OBSL1: variants seen among roughly 807,000 people sequenced by gnomAD.
OBSL1 encodes obscurin-like protein 1.
A neutral mutation model predicts 172.0 loss-of-function variants in OBSL1; 160 were observed. The observed-to-expected ratio is 0.93, with a 90% CI of 0.82 to 1.06. OBSL1 has a LOEUF of 1.06. OBSL1 is among the 50% of genes least tolerant of loss of function. The pLI is 0.00. For missense variants in OBSL1, 2,681 were observed against 2,715.4 expected (o/e 0.99, Z 0.28); for synonymous variants, 1,200 against 1,196.3 (o/e 1.00, Z -0.06).
At chr2:219,561,087 A>G (rs1396643821) in intron 8 of OBSL1, among the ~76,000 whole-genome samples, 1 of 152,148 alleles carries the variant, frequency 6.6e-6, no homozygotes, top group African/African-American at 2.4e-5. Context: ...ACAGGGCAGA[A>G]TATGTGCAGA....
rs1458177956 is a variant in OBSL1, at chr2:219,551,803, G to T, written c.5414-5C>A. The T allele has an allele frequency of 1.3e-6, 2 of 1,551,312 alleles. No homozygotes were observed. The highest frequency in any genetic ancestry group is 2.3e-5 in the South Asian group (2 of 85,742). On this transcript the variant is annotated splice_polypyrimidine_tract_variant and splice_region_variant and intron_variant, in intron 19 of 20. Coordinates refer to ENST00000404537, the MANE Select transcript of OBSL1 (RefSeq NM_015311.3). ...GGCACATCTGGAGAGGCAATGCTGG[G>T]GGTAGGGGGCGGGGGCTTAAGTTAA...
rs4674412 is a variant in OBSL1 at position 219,567,197 on chromosome 2, A to G, written c.1838-71T>C. 1,558,008 of 1,564,174 alleles carry G rather than the reference A, an allele frequency of 1. 776,107 individuals carry two copies. Among genetic ancestry groups the G allele is most frequent in the East Asian group, 1 (43,571 of 43,572 alleles). Reference sequence around the variant, plus strand: ...AGAGGGCAGAGGCTGGCGGATGGCAAGCCTGTGAGAGGACCAGCACTGAGG... The same window carrying G: ...AGAGGGCAGAGGCTGGCGGATGGCAGGCCTGTGAGAGGACCAGCACTGAGG... On this transcript the variant is annotated intron_variant, in intron 4 of 20. Transcript: ENST00000404537.
chr2:219,562,739 T>C (rs1276143075), intron 7 of OBSL1, 65 bp from the exon 8 acceptor site: 1 of 1,477,180 alleles, frequency 6.8e-7, no homozygotes. Context: ...CCTGACCCCG[T>C]TGTGTTCCCT....
At position 219,553,580 on chromosome 2, in the gene OBSL1, C is replaced by T. The variant is rs752791867; in HGVS notation, c.4983G>A (p.Trp1661Ter). 5.0e-6 allele frequency: 8 copies of T among 1,613,162 alleles called. No homozygotes were observed. The Admixed American group carries it at 1.0e-4, about 20-fold the overall frequency. Residue 1661 changes from tryptophan (W) to a stop codon, truncating the protein, a stop_gained, in exon 16 of 21, where the codon TGG becomes TGA. Transcript: ENST00000404537. LOFTEE classifies it high-confidence loss of function. ...GCTGGGGCTGGGATCTGACCTTCTCCCAGGTAACATCAGCCAAAGCTTGGG... is the reference window on the plus strand; with the variant it reads ...GCTGGGGCTGGGATCTGACCTTCTCTCAGGTAACATCAGCCAAAGCTTGGG... ...ELSQALADVT[W>*]EKDGNALTPS...
chr2:219,558,577 G>T lies in OBSL1; in HGVS notation c.3227-118C>A, dbSNP rs1696218421. 7.4e-6 allele frequency: 9 copies of T among 1,208,186 alleles called. No individual in the cohort carries two copies. In the South Asian group the frequency reaches 1.3e-4, roughly 17 times the overall value. 74.8% of individuals were successfully genotyped at this position (1,208,186 alleles called of 1,614,324 possible). A position where few individuals can be genotyped will look rare whatever the true frequency, so the allele number is the denominator to read the frequency against. On this transcript the variant is annotated intron_variant, in intron 9 of 20. Transcript: ENST00000404537. ...ACAGCTCTTGAGAACAGTGCCAGCT[G>T]CAGTCCATGGAGCAGCTGCTGTGTG...
At position 219,565,389 on chromosome 2, in the gene OBSL1, GC is replaced by G; in HGVS notation, c.2259del (p.Gln754ArgfsTer11). 6.2e-7 allele frequency: 1 copy of G among 1,614,000 alleles called. No homozygotes were observed. Among genetic ancestry groups the G allele is most frequent in the Non-Finnish European group, 8.5e-7 (1 of 1,179,896 alleles). On this transcript the variant is annotated frameshift_variant, in exon 6 of 21. Coordinates refer to ENST00000404537, the MANE Select transcript of OBSL1 (RefSeq NM_015311.3). LOFTEE classifies it high-confidence loss of function. ...AGCAACTCGCTCTCCTCCACCTTCT[GC>G]CCATCCTTGTACCAGGTTGCCGGGA... ...VDFPATWYKD[G>X]QKVEESELLV...
intron 1 of OBSL1, among the ~76,000 whole-genome samples, chr2:219,569,957 G>C (rs1697213003): frequency 6.6e-6 from 1 of 152,220 alleles, no homozygotes; most frequent in African/African-American, 2.4e-5. Context: ...CTCCGGATTT[G>C]TACATCAATC....
chr2:219,552,624 G>A lies in OBSL1; in HGVS notation c.5220C>T (p.Cys1740=). ...AREGDGATFE[C]TVSEVETTGR... ...CCGTGGTCTCGACCTCCGACACGGT[G>A]CACTCGAACGTAGCGCCGTCGCCTT... The change falls in exon 18 of 21, where the codon TGC becomes TGT. Residue 1740 remains cysteine, a synonymous_variant. Coordinates refer to ENST00000404537, the MANE Select transcript of OBSL1 (RefSeq NM_015311.3). The A allele has an allele frequency of 1.3e-6, 2 of 1,568,048 alleles. No homozygotes were observed. Among genetic ancestry groups the A allele is most frequent in the South Asian group, 1.2e-5 (1 of 86,634 alleles).
In OBSL1 at chr2:219,553,220, C is replaced by A. The variant is rs750902753; in HGVS notation, c.4990-196G>T. Among the ~76,000 whole-genome samples the A allele has an allele frequency of 2.6e-5, 4 of 152,330 alleles. 1 individual carries two copies. The South Asian group carries it at 8.3e-4, about 32-fold the overall frequency. On this transcript the variant is annotated intron_variant, in intron 16 of 20. Coordinates refer to ENST00000404537, the MANE Select transcript of OBSL1 (RefSeq NM_015311.3). ...CAGGAGCCTCTTTGAAAAAGCGTCA[C>A]CCTTTGGGGACCTTAGGGCCGCCAA... is the stretch of plus-strand genomic sequence containing the variant.
At chr2:219,557,282 G>C in intron 12 of OBSL1, 61 bp downstream of exon 12, 3 of 1,414,654 alleles carry the variant, frequency 2.1e-6, no homozygotes, top group Non-Finnish European at 2.8e-6. Context: ...GGGGGCCCTA[G>C]AAAGTGGCAG....
rs1438926650 is a variant in OBSL1 at position 219,552,577 on chromosome 2, C to T, written c.5267G>A (p.Arg1756His). 2 of 1,593,158 alleles carry T rather than the reference C, an allele frequency of 1.3e-6. No individual in the cohort carries two copies. Among genetic ancestry groups the T allele is most frequent in the Admixed American group, 1.7e-5 (1 of 59,218 alleles). Reference protein sequence around the residue: ...ETTGRWELGGRPLRPGARVRI... With the variant: ...ETTGRWELGGHPLRPGARVRI... The stretch of plus-strand genomic sequence containing the variant: ...GACGCGGGCTCCGGGTCTCAGCGGG[C>T]GGCCTCCGAGCTCCCAGCGCCCCGT... The change falls in exon 18 of 21, where the codon CGC (arginine) becomes CAC (histidine). Residue 1756 changes from arginine (R) to histidine (H), a missense_variant. By Grantham distance (29) the Arg-to-His change is conservative. Around this residue, in one of 5 missense-constraint regions of OBSL1, gnomAD observed 1,765 missense variants for 1,748.3 expected, o/e 1.01. Coordinates refer to ENST00000404537, the MANE Select transcript of OBSL1 (RefSeq NM_015311.3).
At chr2:219,549,038 T>C (rs1464319102), downstream of OBSL1, 1 of 1,179,886 alleles carries the variant, frequency 8.5e-7, no homozygotes, top group Admixed American at 1.9e-5. Flanking sequence ...AGTAAGGGGT[T>C]ATGGACAAGA....
chr2:219,549,717 A>G (rs765063442), downstream of OBSL1: 4 of 1,613,488 alleles, frequency 2.5e-6, no homozygotes, highest in South Asian at 2.2e-5. Flanking sequence ...TCCCCCACAG[A>G]GCTATATCCA....
Position 219,552,388 on chromosome 2 carries a change from G to A in OBSL1, c.5308+148C>T, listed in dbSNP as rs1695685177. ...CTAGAGGTCCGGGACTAGGGGCTGG[G>A]GGCGGGGGAAAGAACAGGGACGAGG... is the stretch of plus-strand genomic sequence containing the variant. On this transcript the variant is annotated intron_variant, in intron 18 of 20. Coordinates refer to ENST00000404537, the MANE Select transcript of OBSL1 (RefSeq NM_015311.3). 25 of 864,016 alleles carry A rather than the reference G, an allele frequency of 2.9e-5. No individual in the cohort carries two copies. The South Asian group carries it at 4.2e-4, about 15-fold the overall frequency. The allele number at this position is 864,016 out of a possible 1,614,324, so 53.5% of individuals were successfully genotyped here. A position where few individuals can be genotyped will look rare whatever the true frequency, so the allele number is the denominator to read the frequency against.
chr2:219,553,489 T>C, intron 16 of OBSL1, 85 bp downstream of exon 16: 3 of 992,332 alleles, frequency 3.0e-6, no homozygotes, highest in Non-Finnish European at 4.7e-6. Context: ...GCACATCCGC[T>C]CAAGGAATAT....
At chr2:219,551,982 G>T in intron 19 of OBSL1, 130 bp downstream of exon 19, 1 of 1,045,736 alleles carries the variant, frequency 9.6e-7, no homozygotes, top group South Asian at 1.5e-5. Flanking sequence ...TCTGTGACCC[G>T]GCCCAGGAGA....
At position 219,570,410 on chromosome 2, in the gene OBSL1, G is replaced by C. The variant is rs1448120382; in HGVS notation, c.823C>G (p.Pro275Ala). The change falls in exon 1 of 21, where the codon CCC (proline) becomes GCC (alanine). Residue 275 changes from proline to alanine, a missense_variant. Physicochemically the swap from Pro to Ala is conservative, Grantham distance 27. Transcript: ENST00000404537. The stretch of plus-strand genomic sequence containing the variant: ...CCCTCCCAGTGCCATTCGATCTCGG[G>C]CTCGGGCTTGCCCATCACGTAGCAG... ...FRCYVMGKPE[P>A]EIEWHWEGRP... is the part of the protein sequence containing the mutation. The C allele has an allele frequency of 6.2e-7, 1 of 1,613,240 alleles. No individual in the cohort carries two copies. The highest frequency in any genetic ancestry group is 1.7e-5 in the Admixed American group (1 of 60,016).
In OBSL1 at chr2:219,571,253, A is replaced by G. The variant is rs946779356; in HGVS notation, c.-21T>C. On this transcript the variant is annotated 5_prime_UTR_variant, in exon 1 of 21. Transcript: ENST00000404537. ...TTCATCGCGGCGGCCGACCGCCTGC[A>G]GCGGCGAACGGTGGGGGGGCAGGGG... The G allele has an allele frequency of 3.7e-5, 43 of 1,153,842 alleles. No individual in the cohort carries two copies. The highest frequency in any genetic ancestry group is 4.2e-5 in the Non-Finnish European group (38 of 913,822). 71.5% of individuals were successfully genotyped at this position (1,153,842 alleles called of 1,614,324 possible).
At position 219,563,430 on chromosome 2, in the gene OBSL1, T is replaced by C; in HGVS notation, c.2605A>G (p.Thr869Ala). 2.5e-6 allele frequency: 4 copies of C among 1,609,746 alleles called. No homozygotes were observed. Among genetic ancestry groups the C allele is most frequent in the Non-Finnish European group, 3.4e-6 (4 of 1,177,650 alleles). ...GPHRRLVLPA[T>A]QPSDGGEFQC... The stretch of plus-strand genomic sequence containing the variant: ...AACTCGCCCCCGTCTGAGGGCTGGG[T>C]GGCGGGCAGCACCAGGCGGCGATGG... The change falls in exon 7 of 21, where the codon ACC becomes GCC. Residue 869 changes from threonine to alanine, a missense_variant. Thr to Ala is a moderately conservative substitution (Grantham distance 58, BLOSUM62 0). Coordinates refer to ENST00000404537, the MANE Select transcript of OBSL1 (RefSeq NM_015311.3).
Sources: allele counts gnomAD v4.1 joint callset (sites outside exome capture counted in the v4.1 genomes callset), GRCh38; gene constraint gnomAD v4.1.1; regional missense constraint gnomAD v4.1.1; transcripts MANE v1.5; gene names NCBI Gene and HGNC (gene_info 2026-07-23, HGNC 2026-07-21).